The following RNASEH2B variants were observed in gnomAD, a reference collection of about 807,000 sequenced individuals.
RNASEH2B encodes Aicardi-Goutieres syndrome 2 protein.
A neutral mutation model predicts 45.0 loss-of-function variants in RNASEH2B; 36 were observed. The observed-to-expected ratio is 0.80, with a 90% CI of 0.61 to 1.06. The LOEUF (loss-of-function observed/expected upper bound fraction) is 1.06, where lower values mean the gene tolerates loss of function less well. Among genes scored for constraint, RNASEH2B ranks in the 50% least tolerant of loss-of-function variants. The pLI, the probability that RNASEH2B is intolerant of heterozygous loss-of-function variation, is 0.00. For missense variants in RNASEH2B, 361 were observed against 360.3 expected (o/e 1.00, Z -0.02); for synonymous variants, 119 against 125.7 (o/e 0.95, Z 0.35).
chr13:50,925,632 C>T (rs1951584848), intron 1 of RNASEH2B, among the ~76,000 whole-genome samples: 1 of 152,174 alleles, frequency 6.6e-6, no homozygotes, highest in African/African-American at 2.4e-5. Context: ...TGAGGTTTTA[C>T]AGTCTGTCTG....
exon 10 of RNASEH2B, chr13:50,970,135 T>A: frequency 1.4e-6 from 1 of 697,902 alleles, no homozygotes; most frequent in Non-Finnish European, 2.5e-6. Context: ...CACTAGTCTA[T>A]GTGGGCAGCG....
At chr13:50,960,916 T>C (rs1344630756), downstream of RNASEH2B, among the ~76,000 whole-genome samples, 3 of 152,188 alleles carry the variant, frequency 2.0e-5, no homozygotes, top group African/African-American at 7.2e-5. Context: ...TTTGTTGTTA[T>C]AGTTTTCTTT....
At chr13:50,943,864 G>C (rs921724303) in intron 6 of RNASEH2B, among the ~76,000 whole-genome samples, 2 of 152,152 alleles carry the variant, frequency 1.3e-5, no homozygotes, top group Non-Finnish European at 2.9e-5. Flanking sequence ...CATCTTACAG[G>C]CAAACCCTGT....
At chr13:50,959,980 T>C, downstream of RNASEH2B, 2 of 348,916 alleles carry the variant, frequency 5.7e-6, no homozygotes, top group Non-Finnish European at 1.0e-5. Flanking sequence ...TTTACAAACT[T>C]AAATATTCTT....
chr13:50,945,117 G>A (rs1267916585), intron 6 of RNASEH2B, among the ~76,000 whole-genome samples: 3 of 152,070 alleles, frequency 2.0e-5, no homozygotes, highest in African/African-American at 7.2e-5. Context: ...TAAGTAACTA[G>A]CCGTGGTTAC....
intron 3 of RNASEH2B, 135 bp from the exon 4 acceptor site, chr13:50,930,548 C>T: frequency 2.7e-6 from 2 of 737,870 alleles, no homozygotes; most frequent in Non-Finnish European, 2.4e-6. Context: ...ACTCTGAGGC[C>T]TGTATAAGAA....
At chr13:50,969,993 G>A (rs1248841298) in exon 10 of RNASEH2B, 1 of 1,550,240 alleles carries the variant, frequency 6.5e-7, no homozygotes, top group African/African-American at 1.4e-5. Flanking sequence ...AGGCTTGGCG[G>A]TTTTCCCTGC....
intron 7 of RNASEH2B, among the ~76,000 whole-genome samples, chr13:50,947,118 G>A (rs1451050560): frequency 6.6e-6 from 1 of 152,148 alleles, no homozygotes; most frequent in Non-Finnish European, 1.5e-5. Flanking sequence ...GAATATCCCA[G>A]CAGCAAACCT....
At chr13:50,946,903 A>C (rs1951906950) in intron 7 of RNASEH2B, among the ~76,000 whole-genome samples, 1 of 152,208 alleles carries the variant, frequency 6.6e-6, no homozygotes, top group Admixed American at 6.5e-5. Context: ...GTCATGACTC[A>C]TTGGATAATG....
At chr13:50,937,671 CATTTACCATA>C (rs1316402680) in intron 5 of RNASEH2B, 3 of 152,086 alleles carry the variant, frequency 2.0e-5, no homozygotes, top group Non-Finnish European at 4.4e-5. Context: ...ATTGGTTGAG[CATTTACCATA>C]ATTTACCATA....
At chr13:50,932,045 C>CA (rs1279515024) in intron 4 of RNASEH2B, among the ~76,000 whole-genome samples, 2 of 151,998 alleles carry the variant, frequency 1.3e-5, no homozygotes, top group Non-Finnish European at 2.9e-5. Context: ...GAGAAGCTGT[C>CA]ATAGTGGCAG....
At chr13:50,939,855 G>A (rs1395218090) in intron 5 of RNASEH2B, among the ~76,000 whole-genome samples, 1 of 152,106 alleles carries the variant, frequency 6.6e-6, no homozygotes, top group African/African-American at 2.4e-5. Flanking sequence ...GTTGTCTTGG[G>A]AGGCAAAGAT....
chr13:50,917,330 C>T (rs1879802170), intron 1 of RNASEH2B, among the ~76,000 whole-genome samples: 1 of 152,248 alleles, frequency 6.6e-6, no homozygotes, highest in African/African-American at 2.4e-5. Flanking sequence ...CATGAGCTGT[C>T]TTGCCTATGG....
intron 4 of RNASEH2B, among the ~76,000 whole-genome samples, chr13:50,933,112 T>C (rs1951703128): frequency 6.6e-6 from 1 of 152,210 alleles, no homozygotes; most frequent in African/African-American, 2.4e-5. Flanking sequence ...CTGGGGAATA[T>C]TCAGGGAGGA....
intron 7 of RNASEH2B, among the ~76,000 whole-genome samples, chr13:50,947,353 GTTGT>G (rs1337897251): frequency 1.3e-5 from 2 of 150,684 alleles, no homozygotes; most frequent in South Asian, 2.1e-4. Context: ...TGCTGAGTTA[GTTGT>G]TTAAGTTTAA....
intron 9 of RNASEH2B, among the ~76,000 whole-genome samples, chr13:50,964,475 G>A (rs947239206): frequency 2.6e-5 from 4 of 152,030 alleles, no homozygotes; most frequent in Admixed American, 6.6e-5. Flanking sequence ...AGTGCCATAC[G>A]AGCCAGAATA....
chr13:50,951,221 A>T (rs1441130692), intron 9 of RNASEH2B: 1 of 152,188 alleles, frequency 6.6e-6, no homozygotes, highest in Non-Finnish European at 1.5e-5. Context: ...CAGTGTACAC[A>T]TGACAAACTA....
intron 10 of RNASEH2B, 184 bp from the exon 11 acceptor site, chr13:50,956,174 T>C: frequency 1.8e-6 from 1 of 558,684 alleles, no homozygotes; most frequent in South Asian, 2.1e-5. Flanking sequence ...TTTTAACATA[T>C]TCTGTCTCTT....
At chr13:50,956,260 C>G in intron 10 of RNASEH2B, 98 bp from the exon 11 acceptor site, 2 of 1,018,454 alleles carry the variant, frequency 2.0e-6, no homozygotes, top group African/African-American at 3.2e-5. Context: ...GCTTACCTTC[C>G]TTAATGAAAC....
Sources: allele counts gnomAD v4.1 joint callset (sites outside exome capture counted in the v4.1 genomes callset), GRCh38; gene constraint gnomAD v4.1.1; transcripts MANE v1.5; gene names NCBI Gene and HGNC (gene_info 2026-07-23, HGNC 2026-07-21).